TMEM87A: variants seen among roughly 807,000 people sequenced by gnomAD.
TMEM87A encodes the protein transmembrane protein 87A.
In TMEM87A, 50 loss-of-function variants were observed where a neutral mutation model predicts 90.0. The observed-to-expected ratio is 0.56, with a 90% CI of 0.44 to 0.70. The LOEUF (loss-of-function observed/expected upper bound fraction) is 0.70. TMEM87A is among the 30% of genes least tolerant of loss of function. TMEM87A has a pLI of 0.00. For missense variants in TMEM87A, 577 were observed against 660.5 expected, an observed-to-expected ratio of 0.87 and a Z score of 1.39; for synonymous variants, 226 against 226.7, an observed-to-expected ratio of 1.00 and a Z score of 0.03.
intron 15 of TMEM87A, among the ~76,000 whole-genome samples, chr15:42,221,467 C>G (rs2050484405): frequency 6.6e-6 from 1 of 152,066 alleles, no homozygotes; most frequent in Non-Finnish European, 1.5e-5. Context: ...ATGCCATACT[C>G]AAGGAATTAT....
At chr15:42,241,366 T>C (rs928157982) in intron 7 of TMEM87A, among the ~76,000 whole-genome samples, 1 of 152,222 alleles carries the variant, frequency 6.6e-6, no homozygotes, top group African/African-American at 2.4e-5. Context: ...AGGATAAGTA[T>C]GTATTTTCCA....
intron 1 of TMEM87A, among the ~76,000 whole-genome samples, chr15:42,272,486 G>C (rs2051556153): frequency 6.6e-6 from 1 of 152,200 alleles, no homozygotes; most frequent in Non-Finnish European, 1.5e-5. Context: ...CAGTCAGTGA[G>C]CAGAGCAGAA....
chr15:42,259,282 C>G (rs2051242979), intron 6 of TMEM87A, among the ~76,000 whole-genome samples: 1 of 152,144 alleles, frequency 6.6e-6, no homozygotes, highest in Non-Finnish European at 1.5e-5. Context: ...ACCACCACAC[C>G]TGCCTAATTT....
At chr15:42,226,569 G>C (rs2050598273) in intron 15 of TMEM87A, 1 of 431,986 alleles carries the variant, frequency 2.3e-6, no homozygotes, top group Non-Finnish European at 4.1e-6. Context: ...CATGTTGCTG[G>C]GTTTAATTCC....
At chr15:42,266,858 C>G (rs952699407) in intron 3 of TMEM87A, among the ~76,000 whole-genome samples, 3 of 152,134 alleles carry the variant, frequency 2.0e-5, no homozygotes, top group Admixed American at 6.5e-5. Flanking sequence ...ATTGCTTTGA[C>G]TTGTGAGTTA....
In TMEM87A at chr15:42,273,306, C is replaced by T. The variant is rs2051599306; in HGVS notation, c.93G>A (p.Pro31=). Residue 31 remains proline, a synonymous_variant, in exon 1 of 20, where the codon CCG becomes CCA. Coordinates refer to ENST00000389834, the MANE Select transcript of TMEM87A (RefSeq NM_015497.5). ...ACCGGTCGGCAGCAGCTACGGTTGC[C>T]GGTCCCGCACTGAAAAACGACAGTG... ...PSPLSFFSAG[P]ATVAAADRSK... is the part of the protein sequence containing the mutation. The T allele has an allele frequency of 2.5e-6, 4 of 1,614,020 alleles. No individual in the cohort carries two copies. Among genetic ancestry groups the T allele is most frequent in the African/African-American group, 1.3e-5 (1 of 74,928 alleles).
intron 6 of TMEM87A, chr15:42,258,807 A>T (rs2051231254): frequency 6.9e-7 from 1 of 1,457,968 alleles, no homozygotes; most frequent in Non-Finnish European, 9.0e-7. Flanking sequence ...TGTACAAATA[A>T]AACTGGGGTT....
In TMEM87A at chr15:42,219,621, G is replaced by T; in HGVS notation, c.1499C>A (p.Thr500Asn). ...ESFEGMKMRS[T>N]KQEPNGNSKV... ...ACTATTTCCATTGGGTTCTTGTTTG[G>T]TACTTCTCATTTTCATTCCTTCTGT... is the stretch of plus-strand genomic sequence containing the variant. The change falls in exon 17 of 20, where the codon ACC (threonine) becomes AAC (asparagine). Residue 500 changes from threonine (T) to asparagine (N), a missense_variant. Physicochemically the swap from Thr to Asn is moderately conservative, Grantham distance 65. Transcript: ENST00000389834. 1.3e-6 allele frequency: 2 copies of T among 1,599,012 alleles called. No individual in the cohort carries two copies. The highest frequency in any genetic ancestry group is 1.1e-5 in the South Asian group (1 of 88,518).
intron 15 of TMEM87A, among the ~76,000 whole-genome samples, chr15:42,221,083 G>A (rs1245924041): frequency 3.3e-5 from 5 of 152,232 alleles, no homozygotes; most frequent in East Asian, 1.9e-4. Flanking sequence ...CGCCCGCCAC[G>A]GCCTCCCAAA....
intron 6 of TMEM87A, among the ~76,000 whole-genome samples, chr15:42,249,349 C>T (rs189597339): frequency 6.6e-6 from 1 of 152,226 alleles, no homozygotes; most frequent in East Asian, 1.9e-4. Context: ...GCTCTTGCTT[C>T]TCTAGCTCTT....
intron 10 of TMEM87A, among the ~76,000 whole-genome samples, chr15:42,233,774 CCTTT>C (rs1022476065): frequency 2.0e-4 from 30 of 152,068 alleles, no homozygotes; most frequent in African/African-American, 6.5e-4. Context: ...TACAAAAGGG[CCTTT>C]CTTTTTTTCC....
intron 6 of TMEM87A, among the ~76,000 whole-genome samples, chr15:42,257,570 C>T (rs1429880500): frequency 6.6e-6 from 1 of 152,244 alleles, no homozygotes; most frequent in Non-Finnish European, 1.5e-5. Flanking sequence ...CACTCACTCT[C>T]ACTTTCTTGG....
rs1373849933 is a variant in TMEM87A at position 42,211,372 on chromosome 15, AC to A, written c.*335del. 4.9e-6 allele frequency: 1 copy of A among 204,684 alleles called. No homozygotes were observed. Among genetic ancestry groups the A allele is most frequent in the African/African-American group, 2.3e-5 (1 of 43,236 alleles). 12.7% of individuals were successfully genotyped at this position (204,684 alleles called of 1,614,324 possible). On this transcript the variant is annotated 3_prime_UTR_variant, in exon 20 of 20. Transcript: ENST00000389834. ...ATGACAATCTTTTAGAAGACGTTAA[AC>A]TTTTTAGTTTGTCAGATTTAAAAAA...
At chr15:42,256,279 T>G (rs2051183167) in intron 6 of TMEM87A, among the ~76,000 whole-genome samples, 2 of 152,116 alleles carry the variant, frequency 1.3e-5, no homozygotes, top group African/African-American at 4.8e-5. Context: ...TAGCTGGGAT[T>G]ACAGGTGTAC....
intron 6 of TMEM87A, among the ~76,000 whole-genome samples, chr15:42,253,474 T>C (rs1341948751): frequency 6.6e-6 from 1 of 152,132 alleles, no homozygotes; most frequent in Non-Finnish European, 1.5e-5. Flanking sequence ...AGGAAGCCAC[T>C]CCAGCCCTGG....
At chr15:42,241,993 GGAGTCAGAGGTTGCAAT>G (rs770023028) in intron 7 of TMEM87A, among the ~76,000 whole-genome samples, 19 of 150,910 alleles carry the variant, frequency 1.3e-4, no homozygotes, top group Non-Finnish European at 2.2e-4. Flanking sequence ...CTTGAACCCA[GGAGTCAGAGGTTGCAAT>G]GAGTCAAGAT....
In TMEM87A at chr15:42,238,629, G is replaced by A. The variant is rs1246380683; in HGVS notation, c.685-1014C>T. Among the ~76,000 whole-genome samples the A allele has an allele frequency of 2.6e-5, 4 of 151,914 alleles. No individual in the cohort carries two copies. The East Asian group carries it at 7.7e-4, about 29-fold the overall frequency. Reference sequence around the variant, plus strand: ...CCAGGCATAGTGGCACACGCCTGTTGTCCTAGCTGCTTGGGAGGCTGAGGT... The same window carrying A: ...CCAGGCATAGTGGCACACGCCTGTTATCCTAGCTGCTTGGGAGGCTGAGGT... On this transcript the variant is annotated intron_variant, in intron 8 of 19. Coordinates refer to ENST00000389834, the MANE Select transcript of TMEM87A (RefSeq NM_015497.5).
chr15:42,237,114 G>T (rs1712408), intron 9 of TMEM87A, among the ~76,000 whole-genome samples: 142,778 of 152,250 alleles, frequency 0.94, 67,408 homozygotes, highest in Non-Finnish European at 1. Context: ...CAATTAAATT[G>T]ACAGCTTTAC....
intron 6 of TMEM87A, among the ~76,000 whole-genome samples, chr15:42,245,720 C>T (rs1049347550): frequency 4.0e-5 from 6 of 150,990 alleles, no homozygotes; most frequent in African/African-American, 1.5e-4. Context: ...TTGGTAGAGA[C>T]GGGGTTTCGC....
Sources: gnomAD v4.1 joint callset for allele counts (sites outside exome capture counted in the v4.1 genomes callset) on GRCh38, gnomAD v4.1.1 for gene constraint, MANE v1.5 for transcripts, NCBI Gene and HGNC (gene_info 2026-07-23, HGNC 2026-07-21) for gene names.